Variants in EPHA6 observed in about 807,000 individuals in gnomAD.
The protein encoded by EPHA6 is EPH receptor A6.
Under a neutral mutation model 112.0 loss-of-function variants are expected in EPHA6, and 50 were observed. That is an observed-to-expected ratio of 0.45 (90% CI 0.36 to 0.56). The LOEUF (loss-of-function observed/expected upper bound fraction) is 0.56. EPHA6 is among the 20% of genes least tolerant of loss of function. The pLI is 0.00. For synonymous variants in EPHA6, 529 were observed against 490.7 expected (o/e 1.08, Z -1.03); for missense variants, 1,280 against 1,417.4 (o/e 0.90, Z 1.56).
rs904962217 is a variant in EPHA6 at position 97,528,307 on chromosome 3, T to G, written c.2201-4051T>G. Among the ~76,000 whole-genome samples the G allele has an allele frequency of 3.9e-5, 6 of 152,174 alleles. No homozygotes were observed. The East Asian group carries it at 1.2e-3, about 29-fold the overall frequency. On this transcript the variant is annotated intron_variant, in intron 10 of 17. Transcript: ENST00000389672. Reference sequence around the variant, plus strand: ...ATCTCAGAGGCTGCTATTTATTTTCTTTTTACAGTTAAAAGGGCCTGTTGG... The same window carrying G: ...ATCTCAGAGGCTGCTATTTATTTTCGTTTTACAGTTAAAAGGGCCTGTTGG...
chr3:96,855,103 A>C (rs116299801), intron 1 of EPHA6, among the ~76,000 whole-genome samples: 1 of 152,106 alleles, frequency 6.6e-6, no homozygotes, highest in African/African-American at 2.4e-5. Flanking sequence ...CTTCAGAGCC[A>C]GCAATATTGC....
chr3:97,182,005 G>GCTTTC (rs1291407842), intron 3 of EPHA6, among the ~76,000 whole-genome samples: 1 of 150,300 alleles, frequency 6.7e-6, no homozygotes, highest in Non-Finnish European at 1.5e-5. Flanking sequence ...TTTAAACTTG[G>GCTTTC]AATGGAGAAG....
At chr3:97,540,000 G>A (rs893690903) in intron 11 of EPHA6, among the ~76,000 whole-genome samples, 8 of 152,140 alleles carry the variant, frequency 5.3e-5, no homozygotes, top group African/African-American at 1.9e-4. Context: ...TATTAATTAG[G>A]GAAAGAGTTA....
intron 6 of EPHA6, among the ~76,000 whole-genome samples, chr3:97,435,193 A>G (rs930419154): frequency 1.3e-5 from 2 of 152,020 alleles, no homozygotes; most frequent in Non-Finnish European, 2.9e-5. Context: ...ATTTACAAAC[A>G]TCTTTATTTT....
chr3:97,036,596 C>A (rs1375493165), intron 3 of EPHA6, among the ~76,000 whole-genome samples: 1 of 151,906 alleles, frequency 6.6e-6, no homozygotes, highest in Non-Finnish European at 1.5e-5. Context: ...TTTGTATACA[C>A]AAAGAAGGAT....
rs116886651 is a variant in EPHA6 at position 96,919,201 on chromosome 3, T to A, written c.450+52312T>A. On this transcript the variant is annotated intron_variant, in intron 2 of 17. Transcript: ENST00000389672. ...TTGCTATGTTGAATGATATGTTGTA[T>A]TTTTATGTTAATATCAAGAGTAATA... Among the ~76,000 whole-genome samples the A allele has an allele frequency of 9.9e-5, 15 of 152,012 alleles. No homozygotes were observed. The East Asian group carries it at 2.9e-3, about 29-fold the overall frequency.
chr3:97,294,946 T>C (rs1383806203), intron 5 of EPHA6, among the ~76,000 whole-genome samples: 2 of 151,708 alleles, frequency 1.3e-5, no homozygotes, highest in African/African-American at 4.9e-5. Context: ...AGAAATCTGA[T>C]GTTAGTCTGA....
chr3:97,291,152 T>C (rs2080667524), intron 5 of EPHA6, among the ~76,000 whole-genome samples: 2 of 152,198 alleles, frequency 1.3e-5, no homozygotes, highest in African/African-American at 4.8e-5. Context: ...ATTGGGAGCA[T>C]GTTGTTTAAT....
chr3:96,819,675 A>T lies in EPHA6; in HGVS notation c.385+4667A>T, dbSNP rs114887948. Among the ~76,000 whole-genome samples the T allele has an allele frequency of 4.5e-3, 680 of 152,294 alleles. 6 individuals are homozygous for T. Among genetic ancestry groups the T allele is most frequent in the African/African-American group, 0.016 (655 of 41,582 alleles). On this transcript the variant is annotated intron_variant, in intron 1 of 17. Coordinates refer to ENST00000389672, the MANE Select transcript of EPHA6 (RefSeq NM_001080448.3). ...ACTTTGTCCAACATACATTGTAATC[A>T]AACTAATTTAATACAGGATCAAATT...
At chr3:97,474,239 C>T (rs962653685) in intron 7 of EPHA6, among the ~76,000 whole-genome samples, 5 of 151,846 alleles carry the variant, frequency 3.3e-5, no homozygotes, top group Non-Finnish European at 7.4e-5. Context: ...TTAGAGACTT[C>T]TGCAGTTTGC....
At chr3:97,550,064 C>T (rs1411646125) in intron 11 of EPHA6, among the ~76,000 whole-genome samples, 3 of 152,136 alleles carry the variant, frequency 2.0e-5, no homozygotes, top group African/African-American at 4.8e-5. Context: ...ATGGATGAAA[C>T]CTCCCTATTC....
intron 13 of EPHA6, among the ~76,000 whole-genome samples, chr3:97,615,725 G>T (rs190332333): frequency 6.6e-6 from 1 of 152,236 alleles, no homozygotes; most frequent in East Asian, 1.9e-4. Context: ...TGTCCAGATT[G>T]CCTCTTTAAC....
intron 2 of EPHA6, among the ~76,000 whole-genome samples, chr3:96,887,618 T>A (rs1173933437): frequency 1.3e-5 from 2 of 152,106 alleles, no homozygotes; most frequent in Non-Finnish European, 2.9e-5. Flanking sequence ...TGTGGTGGTA[T>A]CAGGAGGAAC....
rs184008367 is a variant in EPHA6 at position 97,017,515 on chromosome 3, A to G, written c.1114+29522A>G. On this transcript the variant is annotated intron_variant, in intron 3 of 17. Transcript: ENST00000389672. ...CTAAAGTGCTTGGGGGCCCCAAATAAACGGGAAAGGCAGTCTAGGCCCCAA... is the reference window on the plus strand; with the variant it reads ...CTAAAGTGCTTGGGGGCCCCAAATAGACGGGAAAGGCAGTCTAGGCCCCAA... Among the ~76,000 whole-genome samples, 785 of 152,206 alleles carry G rather than the reference A, an allele frequency of 5.2e-3. 10 individuals are homozygous for G. Among genetic ancestry groups the G allele is most frequent in the African/African-American group, 0.017 (720 of 41,504 alleles).
At chr3:97,113,714 C>T (rs1175399121) in intron 3 of EPHA6, among the ~76,000 whole-genome samples, 1 of 151,998 alleles carries the variant, frequency 6.6e-6, no homozygotes, top group African/African-American at 2.4e-5. Flanking sequence ...TCTCTCTCTC[C>T]CTCCTTCTCT....
intron 3 of EPHA6, among the ~76,000 whole-genome samples, chr3:97,019,491 C>G (rs1290933072): frequency 6.6e-6 from 1 of 152,102 alleles, no homozygotes; most frequent in Non-Finnish European, 1.5e-5. Context: ...AGCTGTGACT[C>G]CAGCTATGTT....
chr3:96,836,766 C>G (rs1459353903), intron 1 of EPHA6, among the ~76,000 whole-genome samples: 1 of 152,146 alleles, frequency 6.6e-6, no homozygotes, highest in Non-Finnish European at 1.5e-5. Context: ...CACTTCAGTC[C>G]TGCAGCAGCA....
At chr3:96,963,028 C>T (rs2042000934) in intron 2 of EPHA6, among the ~76,000 whole-genome samples, 1 of 151,900 alleles carries the variant, frequency 6.6e-6, no homozygotes, top group Non-Finnish European at 1.5e-5. Context: ...GTGGCATGTG[C>T]CTGTAGTCCC....
At chr3:97,444,160 T>C (rs2090241294) in intron 6 of EPHA6, among the ~76,000 whole-genome samples, 1 of 152,198 alleles carries the variant, frequency 6.6e-6, no homozygotes, top group Admixed American at 6.6e-5. Context: ...ATGATTGTTG[T>C]TATATCTTTA....
Sources: allele counts gnomAD v4.1 joint callset (sites outside exome capture counted in the v4.1 genomes callset), GRCh38; gene constraint gnomAD v4.1.1; transcripts MANE v1.5; gene names NCBI Gene and HGNC (gene_info 2026-07-23, HGNC 2026-07-21).